DCDC1: variants seen among roughly 807,000 people sequenced by gnomAD.
DCDC1 encodes the protein doublecortin domain-containing protein 1.
Under a neutral mutation model 178.3 loss-of-function variants are expected in DCDC1, and 200 were observed. That is an observed-to-expected ratio of 1.12 (90% CI 1.00 to 1.26). The LOEUF is 1.26. Ranked by LOEUF, DCDC1 falls within the 50% of genes most tolerant of loss-of-function variation. DCDC1 has a pLI of 0.00. For synonymous variants in DCDC1, 690 were observed against 604.8 expected (o/e 1.14, Z -2.07); for missense variants, 1,983 against 1,749.2 (o/e 1.13, Z -2.38).
chr11:31,116,333 C>T (rs1286578425), intron 11 of DCDC1, among the ~76,000 whole-genome samples: 1 of 151,116 alleles, frequency 6.6e-6, no homozygotes, highest in East Asian at 1.9e-4. Context: ...GAGTTTTTAC[C>T]TAAATCAAAT....
chr11:31,077,001 T>C (rs989136253), intron 18 of DCDC1, among the ~76,000 whole-genome samples: 4 of 152,164 alleles, frequency 2.6e-5, no homozygotes, highest in Non-Finnish European at 4.4e-5. Context: ...TGCTTGTCTG[T>C]TGAGCTTGTT....
intron 9 of DCDC1, among the ~76,000 whole-genome samples, chr11:31,214,791 G>C (rs1290702993): frequency 6.6e-6 from 1 of 152,026 alleles, no homozygotes; most frequent in Non-Finnish European, 1.5e-5. Context: ...AAGGGAAAGA[G>C]ATTATTTGTT....
chr11:31,022,514 C>A (rs765210210), intron 20 of DCDC1, among the ~76,000 whole-genome samples: 1 of 152,014 alleles, frequency 6.6e-6, no homozygotes, highest in East Asian at 1.9e-4. Flanking sequence ...TTTGGGGATA[C>A]AATTCAACCC....
chr11:31,248,870 T>C (rs945201900), intron 8 of DCDC1, among the ~76,000 whole-genome samples: 7 of 152,188 alleles, frequency 4.6e-5, no homozygotes, highest in Non-Finnish European at 7.4e-5. Context: ...TGCTGAGTTG[T>C]GTTCTTTTAC....
At chr11:31,053,235 G>A (rs1157944381) in intron 20 of DCDC1, among the ~76,000 whole-genome samples, 1 of 151,978 alleles carries the variant, frequency 6.6e-6, no homozygotes, top group Non-Finnish European at 1.5e-5. Flanking sequence ...ACCTACAAGA[G>A]ACTTATAAAT....
At chr11:31,279,059 T>A (rs1348531229) in intron 7 of DCDC1, among the ~76,000 whole-genome samples, 1 of 152,144 alleles carries the variant, frequency 6.6e-6, no homozygotes, top group Non-Finnish European at 1.5e-5. Flanking sequence ...GAAACTGGCA[T>A]CATAATAATT....
chr11:30,956,570 ATGT>A (rs923556609), intron 20 of DCDC1, among the ~76,000 whole-genome samples: 7 of 152,286 alleles, frequency 4.6e-5, no homozygotes, highest in African/African-American at 1.2e-4. Flanking sequence ...TGCAAACTTA[ATGT>A]TGTCCAGAAT....
chr11:31,055,066 G>C (rs541340500), intron 20 of DCDC1, among the ~76,000 whole-genome samples: 16 of 152,062 alleles, frequency 1.1e-4, no homozygotes, highest in Non-Finnish European at 1.9e-4. Context: ...CAGAGTGAGA[G>C]AAAATCTTTA....
At chr11:31,085,970 C>T (rs1239027361) in intron 17 of DCDC1, among the ~76,000 whole-genome samples, 1 of 151,956 alleles carries the variant, frequency 6.6e-6, no homozygotes, top group African/African-American at 2.4e-5. Context: ...TCAAGCAATC[C>T]CTCCCTCCTC....
rs1946927519 is a variant in DCDC1, at chr11:30,931,640, T to C, written c.2897+131A>G. Reference sequence around the variant, plus strand: ...TGAGTCCTAGTCTCTATTTTCATCTTCAAATATGAATATGGGAGCCCTTTT... The same window carrying C: ...TGAGTCCTAGTCTCTATTTTCATCTCCAAATATGAATATGGGAGCCCTTTT... On this transcript the variant is annotated intron_variant, in intron 22 of 38. Coordinates refer to ENST00000684477, the MANE Select transcript of DCDC1 (RefSeq NM_001387274.1). 8.7e-6 allele frequency: 8 copies of C among 924,128 alleles called. No individual in the cohort carries two copies. The South Asian group carries it at 1.8e-4, about 21-fold the overall frequency. The allele number at this position is 924,128 out of a possible 1,614,324, so 57.2% of individuals were successfully genotyped here.
intron 9 of DCDC1, among the ~76,000 whole-genome samples, chr11:31,154,946 C>A (rs1206713766): frequency 2.0e-5 from 3 of 152,194 alleles, no homozygotes; most frequent in African/African-American, 7.2e-5. Context: ...GTTCTGCCAG[C>A]TACCACTCTG....
chr11:30,925,512 C>T lies in DCDC1; in HGVS notation c.2898-104G>A, dbSNP rs1946535752. On this transcript the variant is annotated intron_variant, in intron 22 of 38. Transcript: ENST00000684477. ...GGCCTGAATCCATAATGACAACTCT[C>T]TCTGCAGGACTGTTAGTCATGAGCT... 3.2e-6 allele frequency: 3 copies of T among 937,668 alleles called. No homozygotes were observed. In the South Asian group the frequency reaches 4.6e-5, roughly 14 times the overall value. 58.1% of individuals were successfully genotyped at this position (937,668 alleles called of 1,614,324 possible). A position where few individuals can be genotyped will look rare whatever the true frequency, so the allele number is the denominator to read the frequency against.
rs374052309 is a variant in DCDC1 at position 31,036,863 on chromosome 11, CTTA to C, written c.2591+27603_2591+27605del. On this transcript the variant is annotated intron_variant, in intron 20 of 38. Coordinates refer to ENST00000684477, the MANE Select transcript of DCDC1 (RefSeq NM_001387274.1). ...TGTTCAAATAGATATTTATGGTATA[CTTA>C]TTATATGATAAGCATTGATAAACTA... is the stretch of plus-strand genomic sequence containing the variant. Among the ~76,000 whole-genome samples, 109 of 152,114 alleles carry C rather than the reference CTTA, an allele frequency of 7.2e-4. 3 individuals are homozygous for C. In the South Asian group the frequency reaches 0.021, roughly 29 times the overall value.
chr11:31,064,931 C>T, intron 19 of DCDC1, 88 bp downstream of exon 19: 2 of 599,172 alleles, frequency 3.3e-6, no homozygotes, highest in South Asian at 2.2e-5. Context: ...TTGTGCTTGC[C>T]TCCTGAAAAC....
intron 29 of DCDC1, among the ~76,000 whole-genome samples, chr11:30,907,527 C>T (rs1257385268): frequency 2.6e-5 from 4 of 152,154 alleles, no homozygotes; most frequent in African/African-American, 9.7e-5. Flanking sequence ...ATAAGAAGTG[C>T]TTGCACATCA....
chr11:31,236,402 C>A (rs918949322), intron 9 of DCDC1, among the ~76,000 whole-genome samples: 5 of 152,004 alleles, frequency 3.3e-5, no homozygotes, highest in African/African-American at 1.2e-4. Flanking sequence ...GCTCAGATCA[C>A]AAGTTTACTG....
At chr11:31,099,348 T>G (rs2135719242) in intron 15 of DCDC1, among the ~76,000 whole-genome samples, 1 of 152,328 alleles carries the variant, frequency 6.6e-6, no homozygotes, top group Non-Finnish European at 1.5e-5. Context: ...AATATGAAGA[T>G]CAGATTACAT....
intron 18 of DCDC1, among the ~76,000 whole-genome samples, chr11:31,077,146 T>C (rs184932231): frequency 1.3e-4 from 20 of 152,264 alleles, no homozygotes; most frequent in African/African-American, 4.8e-4. Flanking sequence ...ATTACTCAAG[T>C]GGTTGGGATG....
At chr11:31,018,336 G>A (rs564661694) in intron 20 of DCDC1, among the ~76,000 whole-genome samples, 3 of 152,104 alleles carry the variant, frequency 2.0e-5, no homozygotes, top group Admixed American at 6.6e-5. Context: ...GCTAGAAAAC[G>A]TTGTCATGTT....
Sources: allele counts gnomAD v4.1 joint callset (sites outside exome capture counted in the v4.1 genomes callset), GRCh38; gene constraint gnomAD v4.1.1; transcripts MANE v1.5; gene names NCBI Gene and HGNC (gene_info 2026-07-23, HGNC 2026-07-21).